The following PPP4R4 variants were observed in gnomAD, a reference collection of about 807,000 sequenced individuals.
The protein encoded by PPP4R4 is serine/threonine-protein phosphatase 4 regulatory subunit 4.
Under a neutral mutation model 121.8 loss-of-function variants are expected in PPP4R4, and 70 were observed. The ratio of observed to expected loss-of-function variants is 0.57; its 90% CI spans 0.47 to 0.70. The LOEUF (loss-of-function observed/expected upper bound fraction) is 0.70. Ranked by LOEUF, PPP4R4 falls within the 30% of genes least tolerant of loss-of-function variation. The pLI is 0.00. For missense variants in PPP4R4, 875 were observed against 1,033.6 expected (o/e 0.85, Z 2.10); for synonymous variants, 348 against 355.7 (o/e 0.98, Z 0.24).
intron 2 of PPP4R4, among the ~76,000 whole-genome samples, chr14:94,190,080 A>G (rs1269804837): frequency 2.1e-5 from 3 of 144,028 alleles, no homozygotes; most frequent in Non-Finnish European, 3.0e-5. Context: ...GGGTCTTGCT[A>G]TATTGCCCAG....
At chr14:94,210,182 T>C (rs1890669213) in intron 3 of PPP4R4, among the ~76,000 whole-genome samples, 5 of 151,582 alleles carry the variant, frequency 3.3e-5, no homozygotes, top group Admixed American at 2.6e-4. Context: ...AAGATACATT[T>C]GATTCTTTGT....
At chr14:94,221,007 C>T (rs959567867) in intron 3 of PPP4R4, among the ~76,000 whole-genome samples, 3 of 152,068 alleles carry the variant, frequency 2.0e-5, no homozygotes, top group Admixed American at 2.0e-4. Flanking sequence ...ATAGCCACAG[C>T]AGTTAATACT....
intron 14 of PPP4R4, among the ~76,000 whole-genome samples, chr14:94,247,102 A>G (rs950165674): frequency 1.3e-5 from 2 of 152,194 alleles, no homozygotes; most frequent in Non-Finnish European, 2.9e-5. Context: ...CTCCTCCCTC[A>G]AAACAAGGTG....
chr14:94,258,662 A>T, intron 17 of PPP4R4, 121 bp from the exon 18 acceptor site: 1 of 689,678 alleles, frequency 1.4e-6, no homozygotes. Flanking sequence ...TTTCTGACTT[A>T]GTCTTCCCCC....
At chr14:94,221,229 T>C (rs1337020975) in intron 3 of PPP4R4, among the ~76,000 whole-genome samples, 1 of 152,132 alleles carries the variant, frequency 6.6e-6, no homozygotes, top group Non-Finnish European at 1.5e-5. Flanking sequence ...AAATAGATCA[T>C]AGACCTAAAT....
chr14:94,257,642 T>TACACACAC (rs57997995), intron 17 of PPP4R4, among the ~76,000 whole-genome samples: 21,438 of 146,760 alleles, frequency 0.15, 1,533 homozygotes, highest in South Asian at 0.3. Flanking sequence ...CATTTAAATC[T>TACACACAC]ACACACACAC....
intron 19 of PPP4R4, among the ~76,000 whole-genome samples, chr14:94,264,332 A>G (rs1353952132): frequency 6.6e-6 from 1 of 151,826 alleles, no homozygotes; most frequent in Non-Finnish European, 1.5e-5. Context: ...TTATGTTTTT[A>G]GTAGAGATGG....
intron 24 of PPP4R4, 81 bp downstream of exon 24, chr14:94,275,602 T>C (rs1467845936): frequency 4.8e-6 from 7 of 1,458,272 alleles, no homozygotes; most frequent in Non-Finnish European, 6.6e-6. Flanking sequence ...TTAAGTACTT[T>C]CCAAAGAATA....
At chr14:94,253,354 G>A (rs1372456586) in intron 16 of PPP4R4, among the ~76,000 whole-genome samples, 1 of 152,176 alleles carries the variant, frequency 6.6e-6, no homozygotes, top group African/African-American at 2.4e-5. Flanking sequence ...CAGCTACTTG[G>A]GAGGCTGAGG....
intron 16 of PPP4R4, among the ~76,000 whole-genome samples, chr14:94,255,580 G>A (rs188097887): frequency 5.4e-5 from 8 of 149,164 alleles, no homozygotes; most frequent in East Asian, 2.0e-4. Flanking sequence ...CAGCCTGGGC[G>A]ACAGAGCAAG....
Position 94,278,704 on chromosome 14 carries a change from A to G in PPP4R4, c.*61A>G. ...GCAGGAGATAATGTGATTGGTACACAAAAGCTAAAGCAGTGGCTGGGGCTT... is the reference window on the plus strand; with the variant it reads ...GCAGGAGATAATGTGATTGGTACACGAAAGCTAAAGCAGTGGCTGGGGCTT... On this transcript the variant is annotated 3_prime_UTR_variant, in exon 25 of 25. Coordinates refer to ENST00000304338, the MANE Select transcript of PPP4R4 (RefSeq NM_058237.2). 1.3e-6 allele frequency: 2 copies of G among 1,482,070 alleles called. No individual in the cohort carries two copies. Among genetic ancestry groups the G allele is most frequent in the East Asian group, 4.9e-5 (2 of 40,532 alleles). The allele number at this position is 1,482,070 out of a possible 1,614,324, so 91.8% of individuals were successfully genotyped here.
intron 7 of PPP4R4, among the ~76,000 whole-genome samples, chr14:94,237,129 A>G (rs1431638586): frequency 6.6e-6 from 1 of 152,184 alleles, no homozygotes; most frequent in Non-Finnish European, 1.5e-5. Flanking sequence ...ATTAGTTACC[A>G]TAATTTCATG....
Position 94,174,457 on chromosome 14 carries a change from C to T in PPP4R4, c.-9C>T, listed in dbSNP as rs750245164. 3.1e-6 allele frequency: 5 copies of T among 1,589,058 alleles called. No homozygotes were observed. The highest frequency in any genetic ancestry group is 4.3e-6 in the Non-Finnish European group (5 of 1,169,642). Reference sequence around the variant, plus strand: ...CTCCGGCCCGGGCGGCGAGAGTGCCCGGCGGTCCATGCATCCGCCGCCGCC... The same window carrying T: ...CTCCGGCCCGGGCGGCGAGAGTGCCTGGCGGTCCATGCATCCGCCGCCGCC... On this transcript the variant is annotated 5_prime_UTR_variant, in exon 1 of 25. Transcript: ENST00000304338.
chr14:94,228,362 C>T (rs1284385483), intron 3 of PPP4R4, among the ~76,000 whole-genome samples: 1 of 152,180 alleles, frequency 6.6e-6, no homozygotes, highest in Non-Finnish European at 1.5e-5. Context: ...CAGTTATTAG[C>T]TTGCTGGCCT....
intron 16 of PPP4R4, among the ~76,000 whole-genome samples, chr14:94,254,409 G>T (rs1007276657): frequency 1.3e-5 from 2 of 152,152 alleles, no homozygotes; most frequent in East Asian, 1.9e-4. Context: ...TTTATTTGGG[G>T]GGATTGATAC....
In PPP4R4 at chr14:94,270,691, G is replaced by A. The variant is rs1392803227; in HGVS notation, c.2449+3662G>A. On this transcript the variant is annotated intron_variant, in intron 23 of 24. Transcript: ENST00000304338. ...TCCCAGCAATTTGGGAGGCAGAGAC[G>A]GGTGGATCACCTGAGGTCAGGAGTT... Among the ~76,000 whole-genome samples the A allele has an allele frequency of 5.3e-5, 8 of 152,172 alleles. No homozygotes were observed. In the South Asian group the frequency reaches 6.2e-4, roughly 12 times the overall value.
At chr14:94,270,756 A>G (rs1894278480) in intron 23 of PPP4R4, among the ~76,000 whole-genome samples, 1 of 151,996 alleles carries the variant, frequency 6.6e-6, no homozygotes, top group African/African-American at 2.4e-5. Flanking sequence ...CCTATCAACT[A>G]AAAATACAAA....
intron 23 of PPP4R4, among the ~76,000 whole-genome samples, chr14:94,270,749 A>G (rs4595730): frequency 0.53 from 80,371 of 151,676 alleles, 23,329 homozygotes; most frequent in African/African-American, 0.77. Context: ...GCAAAACCCT[A>G]TCAACTAAAA....
intron 23 of PPP4R4, among the ~76,000 whole-genome samples, chr14:94,273,592 C>G (rs1372027801): frequency 2.6e-5 from 4 of 152,040 alleles, no homozygotes; most frequent in Non-Finnish European, 5.9e-5. Context: ...AAGAGTGAAT[C>G]CTAATGTGAA....
Sources: allele counts gnomAD v4.1 joint callset (sites outside exome capture counted in the v4.1 genomes callset), GRCh38; gene constraint gnomAD v4.1.1; transcripts MANE v1.5; gene names NCBI Gene and HGNC (gene_info 2026-07-23, HGNC 2026-07-21).